SSR1: variants seen among roughly 807,000 people sequenced by gnomAD.
The protein encoded by SSR1 is signal sequence receptor subunit 1, also known as translocon-associated protein subunit alpha.
SSR1 carries 13 observed loss-of-function variants against 36.1 expected under a neutral mutation model. The observed-to-expected ratio is 0.36, with a 90% CI of 0.23 to 0.57. SSR1 has a LOEUF of 0.57. Ranked by LOEUF, SSR1 falls within the 20% of genes least tolerant of loss-of-function variation. SSR1 has a pLI of 0.81. For missense variants in SSR1, 291 were observed against 338.5 expected, an observed-to-expected ratio of 0.86 and a Z score of 1.10; for synonymous variants, 113 against 118.9, an observed-to-expected ratio of 0.95 and a Z score of 0.32.
intron 4 of SSR1, among the ~76,000 whole-genome samples, chr6:7,299,280 C>T (rs570619843): frequency 2.0e-5 from 3 of 152,340 alleles, no homozygotes; most frequent in East Asian, 1.9e-4. Flanking sequence ...AGCATTCTTA[C>T]GCCAACAAGC....
chr6:7,300,409 T>TA (rs1468114209), intron 4 of SSR1, among the ~76,000 whole-genome samples: 1 of 152,190 alleles, frequency 6.6e-6, no homozygotes, highest in East Asian at 1.9e-4. Flanking sequence ...TATACATTAT[T>TA]AAAAATCATA....
chr6:7,285,657 C>CAA lies in SSR1; in HGVS notation c.*4205_*4206dup, dbSNP rs924583788. ...TCATGCCACTGCATTCCAGCCTGGG[C>CAA]AATACAGTGAGACCCCATGTCAAAA... On this transcript the variant is annotated 3_prime_UTR_variant, in exon 8 of 8. Coordinates refer to ENST00000244763, the MANE Select transcript of SSR1 (RefSeq NM_003144.5). The surrounding 1 kb of genome is among the most constrained non-coding windows in gnomAD (Gnocchi z 4.1). The CAA allele has an allele frequency of 4.0e-5, 6 of 148,246 alleles. No homozygotes were observed. Among genetic ancestry groups the CAA allele is most frequent in the African/African-American group, 1.5e-4 (6 of 39,902 alleles). The allele number at this position is 148,246 out of a possible 1,614,324, so 9.2% of individuals were successfully genotyped here.
At chr6:7,291,897 C>A (rs998709440) in intron 7 of SSR1, among the ~76,000 whole-genome samples, 1 of 151,928 alleles carries the variant, frequency 6.6e-6, no homozygotes, top group East Asian at 1.9e-4. Flanking sequence ...CATGGTGAAA[C>A]CCCCTCCCTA....
At chr6:7,304,609 A>G (rs1209743616) in intron 2 of SSR1, among the ~76,000 whole-genome samples, 4 of 152,230 alleles carry the variant, frequency 2.6e-5, no homozygotes, top group African/African-American at 7.2e-5. Context: ...TACTAAGTGT[A>G]TGTTTAAAAC....
rs575333842 is a variant in SSR1 at position 7,284,709 on chromosome 6, C to T, written c.*5155G>A. The T allele has an allele frequency of 4.1e-5, 6 of 146,910 alleles. No individual in the cohort carries two copies. Among genetic ancestry groups the T allele is most frequent in the South Asian group, 2.1e-4 (1 of 4,694 alleles). The allele number at this position is 146,910 out of a possible 1,614,324, so 9.1% of individuals were successfully genotyped here. A position where few individuals can be genotyped will look rare whatever the true frequency, so the allele number is the denominator to read the frequency against. On this transcript the variant is annotated 3_prime_UTR_variant, in exon 8 of 8. Transcript: ENST00000244763. ...TCAAACCCAGGCAGCCTGACATGAG[C>T]GTTTCCTTTTTTTTTTTTTCTCTTT...
chr6:7,298,939 GAA>G (rs1757863813), intron 4 of SSR1, 116 bp from the exon 5 acceptor site: 1 of 756,468 alleles, frequency 1.3e-6, no homozygotes, highest in African/African-American at 1.7e-5. Context: ...CCATCACTTA[GAA>G]GACTCAACAA....
Position 7,307,805 on chromosome 6 carries a change from C to T in SSR1, c.192+2112G>A, listed in dbSNP as rs185533356. Among the ~76,000 whole-genome samples the T allele has an allele frequency of 5.9e-5, 9 of 152,314 alleles. No homozygotes were observed. The East Asian group carries it at 1.5e-3, about 26-fold the overall frequency. On this transcript the variant is annotated intron_variant, in intron 2 of 7. Coordinates refer to ENST00000244763, the MANE Select transcript of SSR1 (RefSeq NM_003144.5). ...CCTCCCAAAGTGCTGGGATTACAGG[C>T]GTGCCTCATGGCGTTCAGCATCTCT...
At chr6:7,296,926 G>C (rs984449958) in intron 6 of SSR1, 2 of 154,238 alleles carry the variant, frequency 1.3e-5, no homozygotes, top group African/African-American at 4.8e-5. Context: ...CTATAATTAA[G>C]AGTATTAACG....
At chr6:7,309,836 G>T in intron 2 of SSR1, 81 bp downstream of exon 2, 1 of 1,148,410 alleles carries the variant, frequency 8.7e-7, no homozygotes, top group Non-Finnish European at 1.3e-6. Flanking sequence ...CCAGTCTTGG[G>T]TATGTCTTTA....
intron 1 of SSR1, among the ~76,000 whole-genome samples, chr6:7,312,330 C>CA (rs1368093931): frequency 6.6e-6 from 1 of 152,082 alleles, no homozygotes; most frequent in Non-Finnish European, 1.5e-5. Flanking sequence ...TTTCCACAAA[C>CA]AAAAAATTGT....
At chr6:7,311,241 A>G (rs1886568) in intron 1 of SSR1, among the ~76,000 whole-genome samples, 46,440 of 152,164 alleles carry the variant, frequency 0.31, 7,863 homozygotes, top group African/African-American at 0.46. Context: ...TCACAGTTTT[A>G]TAGACAATAG....
At chr6:7,299,378 C>T (rs1294246687) in intron 4 of SSR1, among the ~76,000 whole-genome samples, 2 of 152,128 alleles carry the variant, frequency 1.3e-5, no homozygotes, top group Non-Finnish European at 2.9e-5. Flanking sequence ...AGAACTAGAT[C>T]GGAACAAAAG....
At chr6:7,296,661 G>A (rs1205679566) in intron 6 of SSR1, among the ~76,000 whole-genome samples, 1 of 138,856 alleles carries the variant, frequency 7.2e-6, no homozygotes, top group African/African-American at 2.8e-5. Flanking sequence ...AAGGAAAGGA[G>A]GAGGGTGAGT....
intron 7 of SSR1, chr6:7,295,079 A>G (rs1475086743): frequency 7.3e-6 from 11 of 1,511,698 alleles, no homozygotes; most frequent in Middle Eastern, 1.7e-4. Flanking sequence ...AAAAAATTAA[A>G]TGCCTCACCT....
intron 6 of SSR1, among the ~76,000 whole-genome samples, chr6:7,296,086 C>T (rs2764089): frequency 0.24 from 35,982 of 151,930 alleles, 4,421 homozygotes; most frequent in South Asian, 0.3. Flanking sequence ...CAAAACAAAA[C>T]GAAACCATAA....
At position 7,305,324 on chromosome 6, in the gene SSR1, C is replaced by CTT. The variant is rs145384463; in HGVS notation, c.193-1688_193-1687insAA. Among the ~76,000 whole-genome samples, 317 of 152,172 alleles carry CTT rather than the reference C, an allele frequency of 2.1e-3. 1 individual carries two copies. The highest frequency in any genetic ancestry group is 7.3e-3 in the African/African-American group (302 of 41,520). On this transcript the variant is annotated intron_variant, in intron 2 of 7. Transcript: ENST00000244763. ...TCAGATGAAACTATCCTGTGAAGAG[C>CTT]TGGAAAAGAGCTACAACAGGATAAC...
intron 1 of SSR1, among the ~76,000 whole-genome samples, chr6:7,311,454 T>C (rs2113305937): frequency 6.6e-6 from 1 of 152,360 alleles, no homozygotes; most frequent in Admixed American, 6.5e-5. Context: ...CTTTAAGTTC[T>C]CACTGGCTGC....
In SSR1 at chr6:7,306,704, C is replaced by T. The variant is rs368088092; in HGVS notation, c.193-3067G>A. Among the ~76,000 whole-genome samples, 146 of 151,366 alleles carry T rather than the reference C, an allele frequency of 9.6e-4. 4 individuals are homozygous for T. In the East Asian group the frequency reaches 0.025, roughly 26 times the overall value. ...GGCCGAGGCGGGCGGATCACGAGGTCAGGAGATCGAGACCATCCTGGCTAA... is the reference window on the plus strand; with the variant it reads ...GGCCGAGGCGGGCGGATCACGAGGTTAGGAGATCGAGACCATCCTGGCTAA... On this transcript the variant is annotated intron_variant, in intron 2 of 7. Transcript: ENST00000244763.
intron 7 of SSR1, 171 bp downstream of exon 7, chr6:7,295,221 A>C: frequency 8.7e-7 from 1 of 1,155,220 alleles, no homozygotes; most frequent in Non-Finnish European, 1.2e-6. Flanking sequence ...AAGACTACAC[A>C]CTGAATAAAC....
Sources: gnomAD v4.1 joint callset for allele counts (sites outside exome capture counted in the v4.1 genomes callset) on GRCh38, gnomAD v4.1.1 for gene constraint, Gnocchi (gnomAD v3.1) non-coding constraint, MANE v1.5 for transcripts, NCBI Gene and HGNC (gene_info 2026-07-23, HGNC 2026-07-21) for gene names.